The following TMEM131L variants were observed in gnomAD, a reference collection of about 807,000 sequenced individuals.
TMEM131L encodes the protein transmembrane 131 like.
A neutral mutation model predicts 192.2 loss-of-function variants in TMEM131L; 54 were observed. That is an observed-to-expected ratio of 0.28 (90% confidence interval 0.23 to 0.35). The LOEUF (loss-of-function observed/expected upper bound fraction) is 0.35, where lower values mean the gene tolerates loss of function less well. Ranked by LOEUF, TMEM131L falls within the 10% of genes least tolerant of loss-of-function variation. The pLI is 1.00. For synonymous variants in TMEM131L, 701 were observed against 704.9 expected, an observed-to-expected ratio of 0.99 and a Z score of 0.09; for missense variants, 1,888 against 1,972.9, an observed-to-expected ratio of 0.96 and a Z score of 0.82.
At chr4:153,484,661 G>T (rs1732187573) in intron 3 of TMEM131L, among the ~76,000 whole-genome samples, 2 of 148,226 alleles carry the variant, frequency 1.3e-5, no homozygotes, top group South Asian at 4.2e-4. Context: ...GTAGAGACGG[G>T]GTTTCACCAT....
intron 7 of TMEM131L, among the ~76,000 whole-genome samples, chr4:153,561,368 A>G (rs1440734540): frequency 6.6e-6 from 1 of 152,192 alleles, no homozygotes; most frequent in Non-Finnish European, 1.5e-5. Context: ...GAAGTACAAA[A>G]GATTTAAATT....
intron 7 of TMEM131L, among the ~76,000 whole-genome samples, chr4:153,577,470 T>C (rs183116701): frequency 9.9e-5 from 15 of 152,272 alleles, no homozygotes; most frequent in African/African-American, 3.6e-4. Flanking sequence ...ATTTTGACTT[T>C]GTAGGCTGTA....
At chr4:153,621,660 T>TTG (rs758788010) in intron 27 of TMEM131L, 23 bp from the exon 28 acceptor site, 116 of 1,601,988 alleles carry the variant, frequency 7.2e-5, no homozygotes, top group East Asian at 3.6e-4. Flanking sequence ...ATGTGTTTTT[T>TTG]TGTGTGTGTG....
At chr4:153,582,341 C>T (rs1270572720) in intron 9 of TMEM131L, among the ~76,000 whole-genome samples, 1 of 151,080 alleles carries the variant, frequency 6.6e-6, no homozygotes, top group African/African-American at 2.4e-5. Flanking sequence ...GCCTCCTGGG[C>T]TCAAGCGATC....
chr4:153,629,266 AAG>A (rs962502428), intron 31 of TMEM131L, among the ~76,000 whole-genome samples: 5 of 152,260 alleles, frequency 3.3e-5, no homozygotes, highest in African/African-American at 1.2e-4. Flanking sequence ...GCTTTACTAG[AAG>A]AGAGAGAAGT....
intron 3 of TMEM131L, among the ~76,000 whole-genome samples, chr4:153,497,878 C>CAAAAAAAAAAAAA (rs200874155): frequency 2.8e-5 from 2 of 70,344 alleles, no homozygotes; most frequent in Non-Finnish European, 6.0e-5. Flanking sequence ...GAAAAATTTC[C>CAAAAAAAAAAAAA]AAAAAAAAAA....
intron 3 of TMEM131L, among the ~76,000 whole-genome samples, chr4:153,486,019 C>T (rs938914148): frequency 9.9e-5 from 15 of 152,162 alleles, no homozygotes; most frequent in African/African-American, 2.2e-4. Context: ...TACTTGTCTG[C>T]TTTGGAGTGG....
At chr4:153,544,293 CT>C (rs1737009731) in intron 3 of TMEM131L, among the ~76,000 whole-genome samples, 1 of 152,092 alleles carries the variant, frequency 6.6e-6, no homozygotes, top group South Asian at 2.1e-4. Context: ...CTATTTTTCA[CT>C]TGTTCGAAAG....
At chr4:153,493,861 G>A (rs1289175676) in intron 3 of TMEM131L, among the ~76,000 whole-genome samples, 2 of 152,198 alleles carry the variant, frequency 1.3e-5, no homozygotes, top group Non-Finnish European at 2.9e-5. Context: ...TAAAAGCCTT[G>A]CATGTAAATG....
intron 3 of TMEM131L, among the ~76,000 whole-genome samples, chr4:153,516,853 T>G (rs551384750): frequency 1.3e-5 from 2 of 152,068 alleles, no homozygotes; most frequent in Non-Finnish European, 2.9e-5. Context: ...TGAGACGGAG[T>G]CTTGCTCCGT....
At chr4:153,468,943 G>C (rs552827348) in intron 2 of TMEM131L, among the ~76,000 whole-genome samples, 5 of 152,296 alleles carry the variant, frequency 3.3e-5, no homozygotes, top group African/African-American at 9.6e-5. Flanking sequence ...GTAAATTATA[G>C]GTGATTGAGT....
intron 5 of TMEM131L, among the ~76,000 whole-genome samples, 156 bp from the exon 6 acceptor site, chr4:153,556,810 T>C (rs776157881): frequency 6.6e-6 from 1 of 151,446 alleles, no homozygotes; most frequent in Non-Finnish European, 1.5e-5. Flanking sequence ...AATTGGATGC[T>C]GATCAGTTTG....
chr4:153,483,949 G>A (rs751341291), intron 3 of TMEM131L, among the ~76,000 whole-genome samples: 5 of 152,104 alleles, frequency 3.3e-5, no homozygotes, highest in South Asian at 2.1e-4. Context: ...TCCCAACATC[G>A]GCAGCAGTAT....
intron 19 of TMEM131L, among the ~76,000 whole-genome samples, chr4:153,594,860 A>G (rs1444064379): frequency 6.6e-6 from 1 of 152,024 alleles, no homozygotes; most frequent in African/African-American, 2.4e-5. Flanking sequence ...CATTTTCTCC[A>G]CCAGGAGGTC....
intron 3 of TMEM131L, among the ~76,000 whole-genome samples, chr4:153,490,739 A>C (rs1036951872): frequency 6.6e-6 from 1 of 152,010 alleles, no homozygotes; most frequent in Non-Finnish European, 1.5e-5. Context: ...GTGGATCATG[A>C]GATCATTAGA....
At chr4:153,584,762 CAT>C in intron 11 of TMEM131L, 71 bp from the exon 12 acceptor site, 5 of 967,884 alleles carry the variant, frequency 5.2e-6, no homozygotes, top group South Asian at 3.1e-5. Flanking sequence ...ATAAATAAGA[CAT>C]ATATCTTTTG....
At chr4:153,574,378 A>G (rs1729794538) in intron 7 of TMEM131L, among the ~76,000 whole-genome samples, 1 of 152,182 alleles carries the variant, frequency 6.6e-6, no homozygotes, top group Admixed American at 6.5e-5. Context: ...ATAGCTGTAC[A>G]GTACTTATTA....
rs1001414198 is a variant in TMEM131L at position 153,534,494 on chromosome 4, C to T, written c.240-15579C>T. Among the ~76,000 whole-genome samples, 7 of 152,100 alleles carry T rather than the reference C, an allele frequency of 4.6e-5. No homozygotes were observed. In the East Asian group the frequency reaches 5.8e-4, roughly 13 times the overall value. ...TGTCGCCCAGGCTGGAGTACAGTGGCGCAATCTCAGCTCACTGCAACCTTT... is the reference window on the plus strand; with the variant it reads ...TGTCGCCCAGGCTGGAGTACAGTGGTGCAATCTCAGCTCACTGCAACCTTT... On this transcript the variant is annotated intron_variant, in intron 3 of 34. Transcript: ENST00000409959.
intron 3 of TMEM131L, among the ~76,000 whole-genome samples, chr4:153,539,403 A>G (rs1377311261): frequency 6.6e-6 from 1 of 151,724 alleles, no homozygotes; most frequent in Non-Finnish European, 1.5e-5. Flanking sequence ...TGTGTGGTCT[A>G]TGCTAGTCTG....
Sources: allele counts gnomAD v4.1 joint callset (sites outside exome capture counted in the v4.1 genomes callset), GRCh38; gene constraint gnomAD v4.1.1; transcripts MANE v1.5; gene names NCBI Gene and HGNC (gene_info 2026-07-23, HGNC 2026-07-21).